RNLS: variants seen among roughly 807,000 people sequenced by gnomAD.
The protein encoded by RNLS is renalase.
In RNLS, 39 loss-of-function variants were observed where a neutral mutation model predicts 39.8. The ratio of observed to expected loss-of-function variants is 0.98; its 90% CI spans 0.76 to 1.28. The LOEUF is 1.28. RNLS is among the 50% of genes most tolerant of loss of function. RNLS has a pLI of 0.00. For synonymous variants in RNLS, 147 were observed against 150.7 expected (o/e 0.98, Z 0.18); for missense variants, 410 against 413.3 (o/e 0.99, Z 0.07).
chr10:88,181,290 T>C, the RNLS span, among the ~76,000 whole-genome samples: 15 of 152,120 alleles, frequency 9.9e-5, no homozygotes, highest in Non-Finnish European at 1.6e-4. Context: ...AAAACAAAGA[T>C]GTCAGTCCTA....
intron 4 of RNLS, among the ~76,000 whole-genome samples, chr10:88,437,240 C>T (rs1037789020): frequency 3.9e-5 from 6 of 152,254 alleles, no homozygotes; most frequent in East Asian, 3.9e-4. Flanking sequence ...AGAGAGAAGG[C>T]GGGAAGTCAT....
At chr10:88,278,695 C>T (rs190275781) in intron 6 of RNLS, among the ~76,000 whole-genome samples, 265 of 152,236 alleles carry the variant, frequency 1.7e-3, no homozygotes, top group African/African-American at 5.9e-3. Flanking sequence ...CCGCCTTCCC[C>T]CAACCTCTTC....
In RNLS at chr10:88,583,226, CGGCGGGGCCGTTCG is replaced by C. The variant is rs1461396422; in HGVS notation, c.-50_-37del. On this transcript the variant is annotated 5_prime_UTR_variant, in exon 1 of 7. Coordinates refer to ENST00000331772, the MANE Select transcript of RNLS (RefSeq NM_001031709.3). ...AGCAGCGATCCGCGCTGAGTCTCTG[CGGCGGGGCCGTTCG>C]GCCCGGGCTTTCTGGAAAGGCGGCC... The C allele has an allele frequency of 2.2e-5, 36 of 1,610,006 alleles. No homozygotes were observed. Among genetic ancestry groups the C allele is most frequent in the Non-Finnish European group, 3.0e-5 (35 of 1,178,722 alleles).
rs1854399650 is a variant in RNLS at position 88,421,396 on chromosome 10, T to C, written c.527-58671A>G. ...CGCTAACAATTAAGGATCCAACATA[T>C]TGCTGTTTACCCAAGCTTTAAAAGC... On this transcript the variant is annotated intron_variant, in intron 4 of 6. Coordinates refer to ENST00000331772, the MANE Select transcript of RNLS (RefSeq NM_001031709.3). 2.0e-5 allele frequency among the ~76,000 whole-genome samples: 3 copies of C among 152,202 alleles called. No homozygotes were observed. The South Asian group carries it at 6.2e-4, about 31-fold the overall frequency.
At chr10:88,435,674 C>T (rs1038384954) in intron 4 of RNLS, among the ~76,000 whole-genome samples, 5 of 152,032 alleles carry the variant, frequency 3.3e-5, no homozygotes, top group Admixed American at 1.3e-4. Flanking sequence ...GCAAAAGGGA[C>T]ACAGCTGCAG....
intron 4 of RNLS, among the ~76,000 whole-genome samples, chr10:88,399,105 A>G (rs910770585): frequency 6.6e-6 from 1 of 151,906 alleles, no homozygotes; most frequent in Non-Finnish European, 1.5e-5. Context: ...CATACCTCCT[A>G]GGATGGCTAA....
intron 4 of RNLS, among the ~76,000 whole-genome samples, chr10:88,526,096 C>T (rs1210527182): frequency 6.6e-6 from 1 of 151,992 alleles, no homozygotes; most frequent in African/African-American, 2.4e-5. Flanking sequence ...CACAATCTTA[C>T]AGTGGCCATA....
chr10:88,285,516 TAA>T lies in RNLS; in HGVS notation c.877-12_877-11del. 6.2e-7 allele frequency: 1 copy of T among 1,611,070 alleles called. No homozygotes were observed. The highest frequency in any genetic ancestry group is 8.5e-7 in the Non-Finnish European group (1 of 1,177,970). ...CAGCAGCATTTGTAACCTGAAAAAG[TAA>T]AAAGAGGATTGCAATTGACATTCTG... On this transcript the variant is annotated splice_polypyrimidine_tract_variant and intron_variant, in intron 6 of 6. Transcript: ENST00000331772.
chr10:88,325,882 TAGTG>T (rs1015092400), intron 5 of RNLS, among the ~76,000 whole-genome samples: 10 of 152,076 alleles, frequency 6.6e-5, no homozygotes, highest in African/African-American at 2.4e-4. Flanking sequence ...GTTCTTGTAA[TAGTG>T]AGTGACTTCT....
rs368094978 is a variant in RNLS, at chr10:88,314,544, G to A, written c.798C>T (p.Val266=). The A allele has an allele frequency of 6.2e-7, 1 of 1,613,988 alleles. No individual in the cohort carries two copies. The highest frequency in any genetic ancestry group is 8.5e-7 in the Non-Finnish European group (1 of 1,179,886). The stretch of plus-strand genomic sequence containing the variant: ...GCAAAATGTTTTCCAGCTGCTGGAA[G>A]ACTAACTCTTGCACATCCTCAATGC... ...EHSIEDVQEL[V]FQQLENILPG... The change falls in exon 6 of 7, where the codon GTC becomes GTT. Residue 266 remains valine, a synonymous_variant. Transcript: ENST00000331772.
Position 88,391,291 on chromosome 10 carries a change from G to A in RNLS, c.527-28566C>T, listed in dbSNP as rs574170632. ...TAATGTGTACTGGCCAGGAATAGTG[G>A]CTCATGCCTGTAATCCCAGCACTTT... On this transcript the variant is annotated intron_variant, in intron 4 of 6. Coordinates refer to ENST00000331772, the MANE Select transcript of RNLS (RefSeq NM_001031709.3). Among the ~76,000 whole-genome samples the A allele has an allele frequency of 1.4e-4, 21 of 152,266 alleles. No individual in the cohort carries two copies. In the East Asian group the frequency reaches 3.9e-3, roughly 28 times the overall value.
chr10:88,581,315 T>TATATATATATATATATAC (rs1318796903), intron 3 of RNLS, among the ~76,000 whole-genome samples: 2 of 147,600 alleles, frequency 1.4e-5, no homozygotes, highest in African/African-American at 4.9e-5. Flanking sequence ...TATATATATA[T>TATATATATATATATATAC]ACATCTATAA....
At chr10:88,392,945 A>G (rs561550210) in intron 4 of RNLS, among the ~76,000 whole-genome samples, 103 of 152,354 alleles carry the variant, frequency 6.8e-4, no homozygotes, top group African/African-American at 2.4e-3. Context: ...CCACATGATT[A>G]TCTCAATAGA....
At chr10:88,202,329 A>G in the RNLS span, among the ~76,000 whole-genome samples, 7 of 151,740 alleles carry the variant, frequency 4.6e-5, no homozygotes, top group African/African-American at 1.5e-4. Context: ...GGATAGCATT[A>G]GGAGATATAC....
intron 5 of RNLS, among the ~76,000 whole-genome samples, chr10:88,329,414 T>G (rs1846910215): frequency 6.6e-6 from 1 of 152,152 alleles, no homozygotes; most frequent in African/African-American, 2.4e-5. Flanking sequence ...TATATCTAGC[T>G]GCTTTTATGG....
chr10:88,324,427 C>CAAA lies in RNLS; in HGVS notation c.701-9789_701-9787dup, dbSNP rs57362184. On this transcript the variant is annotated intron_variant, in intron 5 of 6. Transcript: ENST00000331772. ...ATAAAAAACGAAATTGTGTCCTTTG[C>CAAA]AAAAAAAAAAAAAAAACTAAAACAG... is the stretch of plus-strand genomic sequence containing the variant. Among the ~76,000 whole-genome samples, 490 of 78,580 alleles carry CAAA rather than the reference C, an allele frequency of 6.2e-3. 3 individuals are homozygous for CAAA. Among genetic ancestry groups the CAAA allele is most frequent in the African/African-American group, 0.014 (306 of 21,622 alleles). 51.6% of individuals were successfully genotyped at this position (78,580 alleles called of 152,430 possible). A position where few individuals can be genotyped will look rare whatever the true frequency, so the allele number is the denominator to read the frequency against.
chr10:88,485,111 A>G (rs1407289942), intron 4 of RNLS, among the ~76,000 whole-genome samples: 1 of 151,986 alleles, frequency 6.6e-6, no homozygotes, highest in Non-Finnish European at 1.5e-5. Flanking sequence ...GTAGAAATTG[A>G]AAAGCTGATT....
intron 6 of RNLS, among the ~76,000 whole-genome samples, chr10:88,287,766 A>T (rs1386395142): frequency 6.6e-6 from 1 of 152,108 alleles, no homozygotes; most frequent in Non-Finnish European, 1.5e-5. Context: ...AAACACTTAC[A>T]AAACCATCAG....
chr10:88,184,819 A>G, the RNLS span, among the ~76,000 whole-genome samples: 2 of 152,144 alleles, frequency 1.3e-5, no homozygotes, highest in Non-Finnish European at 2.9e-5. Context: ...AAATCTTCCT[A>G]TGAAGTACCT....
Sources: gnomAD v4.1 joint callset for allele counts (sites outside exome capture counted in the v4.1 genomes callset) on GRCh38, gnomAD v4.1.1 for gene constraint, MANE v1.5 for transcripts, NCBI Gene and HGNC (gene_info 2026-07-23, HGNC 2026-07-21) for gene names.